SLC14A1: variants seen among roughly 807,000 people sequenced by gnomAD.
SLC14A1 encodes the protein urea transporter 1.
A neutral mutation model predicts 39.6 loss-of-function variants in SLC14A1; 36 were observed. The ratio of observed to expected loss-of-function variants is 0.91; its 90% CI spans 0.70 to 1.20. SLC14A1 has a LOEUF of 1.20. SLC14A1 is among the 50% of genes most tolerant of loss of function. The probability of loss-of-function intolerance (pLI) is 0.00; values close to 1 mark genes in which losing one functional copy is unlikely to be tolerated. For synonymous variants in SLC14A1, 164 were observed against 173.6 expected, an observed-to-expected ratio of 0.94 and a Z score of 0.43; for missense variants, 469 against 478.7, an observed-to-expected ratio of 0.98 and a Z score of 0.19.
intron 4 of SLC14A1, among the ~76,000 whole-genome samples, chr18:45,733,016 C>A (rs142197588): frequency 3.9e-5 from 6 of 152,264 alleles, no homozygotes; most frequent in Non-Finnish European, 5.9e-5. Flanking sequence ...AAATCAAATA[C>A]CACACGTTTT....
chr18:45,739,831 T>C lies in SLC14A1; in HGVS notation c.946+169T>C, dbSNP rs895580219. 3.1e-5 allele frequency: 24 copies of C among 766,778 alleles called. No individual in the cohort carries two copies. The African/African-American group carries it at 3.3e-4, about 10-fold the overall frequency. 47.5% of individuals were successfully genotyped at this position (766,778 alleles called of 1,614,324 possible). ...AAGTGACGTCCCCTCTCTGAGAGCA[T>C]TAAAATCACCTCTGCCTACCTCTCT... On this transcript the variant is annotated intron_variant, in intron 8 of 9. Coordinates refer to ENST00000321925, the MANE Select transcript of SLC14A1 (RefSeq NM_015865.7).
At chr18:45,730,180 G>A in intron 2 of SLC14A1, 120 bp from the exon 3 acceptor site, 1 of 1,056,896 alleles carries the variant, frequency 9.5e-7, no homozygotes, top group Non-Finnish European at 1.3e-6. Flanking sequence ...AAGGAAAATG[G>A]TGCTCTCTTA....
At chr18:45,744,373 G>T (rs1371078843) in intron 8 of SLC14A1, among the ~76,000 whole-genome samples, 1 of 152,152 alleles carries the variant, frequency 6.6e-6, no homozygotes, top group Non-Finnish European at 1.5e-5. Context: ...TTGTATGCTG[G>T]AGAATATCTT....
chr18:45,751,820 A>C lies in SLC14A1; in HGVS notation c.*1869A>C, dbSNP rs1341992558. On this transcript the variant is annotated 3_prime_UTR_variant, in exon 10 of 10. Coordinates refer to ENST00000321925, the MANE Select transcript of SLC14A1 (RefSeq NM_015865.7). ...AATTAATTAATTAATTAATTTAAAA[A>C]GGAAGTCATGTTCATTTACTTTCCA... is the stretch of plus-strand genomic sequence containing the variant. 1 of 960,946 alleles carries C rather than the reference A, an allele frequency of 1.0e-6. No individual in the cohort carries two copies. Among genetic ancestry groups the C allele is most frequent in the African/African-American group, 1.8e-5 (1 of 56,660 alleles). 59.5% of individuals were successfully genotyped at this position (960,946 alleles called of 1,614,324 possible).
At chr18:45,749,570 T>C (rs2047652341) in intron 9 of SLC14A1, among the ~76,000 whole-genome samples, 1 of 151,898 alleles carries the variant, frequency 6.6e-6, no homozygotes, top group Admixed American at 6.6e-5. Context: ...GAGACATAAG[T>C]GGCTGCCCTA....
intron 9 of SLC14A1, 73 bp from the exon 10 acceptor site, chr18:45,749,705 A>G (rs1304176905): frequency 6.4e-7 from 1 of 1,566,164 alleles, no homozygotes; most frequent in Non-Finnish European, 8.8e-7. Flanking sequence ...ATGCAAGTAG[A>G]GGGGGATGCC....
At chr18:45,743,452 T>A (rs1214347895) in intron 8 of SLC14A1, among the ~76,000 whole-genome samples, 1 of 152,182 alleles carries the variant, frequency 6.6e-6, no homozygotes, top group Non-Finnish European at 1.5e-5. Flanking sequence ...GGCAGTCAAC[T>A]GAGCTAAAGA....
chr18:45,730,398 A>G lies in SLC14A1; in HGVS notation c.78A>G (p.Gln26=), dbSNP rs749662915. ...VRGENQVSPC[Q]GRRCFPKALG... ...GTGAAAACCAGGTTTCGCCATGTCA[A>G]GGGAGAAGGTGCTTCCCCAAAGCTC... Residue 26 remains glutamine, a synonymous_variant, in exon 3 of 10, where the codon CAA becomes CAG. Coordinates refer to ENST00000321925, the MANE Select transcript of SLC14A1 (RefSeq NM_015865.7). 10 of 1,614,092 alleles carry G rather than the reference A, an allele frequency of 6.2e-6. No homozygotes were observed. The highest frequency in any genetic ancestry group is 3.3e-4 in the Middle Eastern group (2 of 6,084).
At chr18:45,732,709 C>A (rs1423013576) in intron 4 of SLC14A1, among the ~76,000 whole-genome samples, 1 of 152,160 alleles carries the variant, frequency 6.6e-6, no homozygotes, top group Non-Finnish European at 1.5e-5. Context: ...CTACTCACTT[C>A]ACCATCTTTA....
Position 45,751,031 on chromosome 18 carries a change from C to T in SLC14A1, c.*1080C>T. On this transcript the variant is annotated 3_prime_UTR_variant, in exon 10 of 10. Transcript: ENST00000321925. ...AATATTCTCTCTCAGAAATCAATGG[C>T]ATTTGAACCACCAAAAAGAAATAAA... is the stretch of plus-strand genomic sequence containing the variant. 1 of 985,014 alleles carries T rather than the reference C, an allele frequency of 1.0e-6. No homozygotes were observed. The highest frequency in any genetic ancestry group is 1.2e-6 in the Non-Finnish European group (1 of 829,590). 61.0% of individuals were successfully genotyped at this position (985,014 alleles called of 1,614,324 possible).
chr18:45,746,897 T>C (rs1158338812), intron 8 of SLC14A1, among the ~76,000 whole-genome samples: 1 of 152,220 alleles, frequency 6.6e-6, no homozygotes, highest in Non-Finnish European at 1.5e-5. Context: ...ACAAATAAAA[T>C]GGCAGAGCTG....
At position 45,730,485 on chromosome 18, in the gene SLC14A1, C is replaced by T; in HGVS notation, c.151+14C>T. The T allele has an allele frequency of 6.2e-7, 1 of 1,613,976 alleles. No homozygotes were observed. Among genetic ancestry groups the T allele is most frequent in the Non-Finnish European group, 8.5e-7 (1 of 1,179,872 alleles). ...ACCAGCTTAAAGGTATTTATCCTTT[C>T]ACATTTTGGAGAGACAGGAGAAGTA... is the stretch of plus-strand genomic sequence containing the variant. On this transcript the variant is annotated intron_variant, in intron 3 of 9. Transcript: ENST00000321925.
chr18:45,733,167 T>G (rs1471351515), intron 4 of SLC14A1, among the ~76,000 whole-genome samples: 1 of 151,764 alleles, frequency 6.6e-6, no homozygotes, highest in African/African-American at 2.4e-5. Flanking sequence ...GGGTGACGAG[T>G]TCAATAGAAG....
chr18:45,731,174 C>CCCAAGAGGG lies in SLC14A1; in HGVS notation c.311_312insCCAAGAGGG (p.Thr104_Leu105insGlnGluGly). The CCCAAGAGGG allele has an allele frequency of 6.2e-7, 1 of 1,613,990 alleles. No individual in the cohort carries two copies. The highest frequency in any genetic ancestry group is 1.1e-5 in the South Asian group (1 of 91,070). ...GGCTGGCTGGGAACAGTGGTCTCCACTCTGATGGCCCTCTTGCTCAGCCAG... is the reference window on the plus strand; with the variant it reads ...GGCTGGCTGGGAACAGTGGTCTCCACCCAAGAGGGTCTGATGGCCCTCTTGCTCAGCCAG... On this transcript the variant is annotated inframe_insertion, in exon 4 of 10. Coordinates refer to ENST00000321925, the MANE Select transcript of SLC14A1 (RefSeq NM_015865.7).
chr18:45,747,967 A>C (rs967078375), intron 8 of SLC14A1, among the ~76,000 whole-genome samples: 5 of 152,236 alleles, frequency 3.3e-5, no homozygotes, highest in Admixed American at 2.0e-4. Flanking sequence ...TTTCATTTTA[A>C]TTCAGCTATG....
chr18:45,739,979 C>G, intron 8 of SLC14A1: 1 of 395,956 alleles, frequency 2.5e-6, no homozygotes, highest in Non-Finnish European at 4.8e-6. Context: ...TACACCAGCC[C>G]TTCCCTGGTG....
rs924804539 is a variant in SLC14A1 at position 45,731,038 on chromosome 18, A to G, written c.175A>G (p.Ile59Val). ...LKDKPVVLQF[I>V]DWILRGISQV... is the part of the protein sequence containing the mutation. ...AGACAAACCCGTGGTGCTCCAGTTC[A>G]TTGACTGGATTCTCCGGGGCATATC... The change falls in exon 4 of 10, where the codon ATT becomes GTT. Residue 59 changes from isoleucine to valine, a missense_variant. By Grantham distance (29) the Ile-to-Val change is conservative. Transcript: ENST00000321925. 4 of 1,613,942 alleles carry G rather than the reference A, an allele frequency of 2.5e-6. No individual in the cohort carries two copies. The highest frequency in any genetic ancestry group is 1.7e-5 in the Admixed American group (1 of 60,000).
At chr18:45,746,355 T>C (rs1331824128) in intron 8 of SLC14A1, among the ~76,000 whole-genome samples, 1 of 152,236 alleles carries the variant, frequency 6.6e-6, no homozygotes, top group Non-Finnish European at 1.5e-5. Flanking sequence ...TTCCCGGTCC[T>C]ACTTGGCGAG....
chr18:45,748,498 A>G, intron 9 of SLC14A1, 73 bp downstream of exon 9: 1 of 1,481,392 alleles, frequency 6.8e-7, no homozygotes, highest in East Asian at 2.3e-5. Context: ...ATGCTCCTGA[A>G]GTCCACTGGG....
Sources: allele counts gnomAD v4.1 joint callset (sites outside exome capture counted in the v4.1 genomes callset), GRCh38; gene constraint gnomAD v4.1.1; transcripts MANE v1.5; gene names NCBI Gene and HGNC (gene_info 2026-07-23, HGNC 2026-07-21).